Variants in TMEM63C observed in about 807,000 individuals in gnomAD.
TMEM63C encodes the protein osmosensitive cation channel TMEM63C.
In TMEM63C, 32 loss-of-function variants were observed where a neutral mutation model predicts 99.2. That is an observed-to-expected ratio of 0.32 (90% CI 0.24 to 0.43). The LOEUF is 0.43. Among genes scored for constraint, TMEM63C ranks in the 20% least tolerant of loss-of-function variants. TMEM63C has a pLI of 1.00. For synonymous variants in TMEM63C, 376 were observed against 397.9 expected (o/e 0.94, Z 0.66); for missense variants, 826 against 1,053.0 (o/e 0.78, Z 2.98).
intron 2 of TMEM63C, among the ~76,000 whole-genome samples, chr14:77,216,280 C>T (rs1594856344): frequency 1.3e-5 from 2 of 152,220 alleles, no homozygotes. Flanking sequence ...TCACTGGCTG[C>T]TACTTCTCAG....
Position 77,231,696 on chromosome 14 carries a change from C to A in TMEM63C, c.459C>A (p.Ile153=). 1.9e-6 allele frequency: 3 copies of A among 1,551,716 alleles called. No homozygotes were observed. Among genetic ancestry groups the A allele is most frequent in the Non-Finnish European group, 2.6e-6 (3 of 1,147,008 alleles). The change falls in exon 7 of 24, where the codon ATC becomes ATA. Residue 153 remains isoleucine (I), a synonymous_variant. Transcript: ENST00000298351. ...TCATCTGTATCCCCTCCCTGGGCATCATTTTGCCCATCAACTATACTGGAT... is the reference window on the plus strand; with the variant it reads ...TCATCTGTATCCCCTCCCTGGGCATAATTTTGCCCATCAACTATACTGGAT... ...VLIICIPSLG[I]ILPINYTGSV...
At chr14:77,226,825 T>A (rs1888837423) in intron 6 of TMEM63C, among the ~76,000 whole-genome samples, 1 of 150,118 alleles carries the variant, frequency 6.7e-6, no homozygotes, top group Admixed American at 6.7e-5. Context: ...TGATGTGCAG[T>A]GGCACAATCT....
chr14:77,217,921 G>C (rs972515725), intron 2 of TMEM63C, among the ~76,000 whole-genome samples: 4 of 152,190 alleles, frequency 2.6e-5, no homozygotes, highest in Non-Finnish European at 5.9e-5. Flanking sequence ...AGAGTAGAAG[G>C]ATGGTTACCA....
chr14:77,232,578 G>A (rs998210866), intron 7 of TMEM63C, among the ~76,000 whole-genome samples: 2 of 152,140 alleles, frequency 1.3e-5, no homozygotes, highest in Admixed American at 6.5e-5. Flanking sequence ...ATGAGCCACC[G>A]CACCTGGCCA....
intron 8 of TMEM63C, among the ~76,000 whole-genome samples, chr14:77,235,035 T>A (rs1025983587): frequency 1.3e-5 from 2 of 152,168 alleles, no homozygotes; most frequent in Non-Finnish European, 2.9e-5. Context: ...CTCCTTTCCC[T>A]ATGAGTGAAG....
At chr14:77,214,105 CT>C (rs1241940534) in intron 2 of TMEM63C, among the ~76,000 whole-genome samples, 1 of 152,150 alleles carries the variant, frequency 6.6e-6, no homozygotes, top group Non-Finnish European at 1.5e-5. Flanking sequence ...CCCTCCCCAA[CT>C]CCTGAAACCT....
At chr14:77,234,330 C>T (rs1042184026) in intron 8 of TMEM63C, among the ~76,000 whole-genome samples, 4 of 151,930 alleles carry the variant, frequency 2.6e-5, no homozygotes, top group Non-Finnish European at 5.9e-5. Flanking sequence ...CTGAAATGAG[C>T]GGAAAGGGGC....
chr14:77,239,420 A>G lies in TMEM63C; in HGVS notation c.734A>G (p.Tyr245Cys). ...ELIIKHFHEA[Y>C]PGSVVTRVHF... ...CATGTTTGTGGCTGCAGCGAGGCCT[A>G]TCCAGGCAGTGTCGTGACAAGAGTC... is the stretch of plus-strand genomic sequence containing the variant. Residue 245 changes from tyrosine to cysteine, a missense_variant, in exon 11 of 24, where the codon TAT becomes TGT. By Grantham distance (194) the Tyr-to-Cys change is radical. Transcript: ENST00000298351. The G allele has an allele frequency of 6.2e-7, 1 of 1,613,616 alleles. No homozygotes were observed. Among genetic ancestry groups the G allele is most frequent in the Non-Finnish European group, 8.5e-7 (1 of 1,179,860 alleles).
intron 23 of TMEM63C, among the ~76,000 whole-genome samples, chr14:77,253,668 C>T (rs958529775): frequency 3.3e-5 from 5 of 152,222 alleles, no homozygotes; most frequent in South Asian, 2.1e-4. Flanking sequence ...ACAGCGACCT[C>T]GGTCATGTAG....
intron 1 of TMEM63C, among the ~76,000 whole-genome samples, chr14:77,188,598 G>C (rs926359231): frequency 4.6e-5 from 7 of 152,198 alleles, no homozygotes; most frequent in Non-Finnish European, 7.3e-5. Context: ...GCTGGACTCT[G>C]TGGCTCACGC....
intron 1 of TMEM63C, among the ~76,000 whole-genome samples, chr14:77,183,164 A>C (rs1022988940): frequency 1.3e-5 from 2 of 152,108 alleles, no homozygotes; most frequent in Non-Finnish European, 2.9e-5. Flanking sequence ...GAGCCAGATG[A>C]GGAAACTGAG....
intron 1 of TMEM63C, among the ~76,000 whole-genome samples, chr14:77,210,338 T>C (rs1262726745): frequency 1.3e-5 from 2 of 152,116 alleles, no homozygotes; most frequent in African/African-American, 4.8e-5. Flanking sequence ...CTATCCCCAA[T>C]CCACCACTTT....
At chr14:77,256,277 A>G (rs536282832) in intron 23 of TMEM63C, among the ~76,000 whole-genome samples, 2 of 152,348 alleles carry the variant, frequency 1.3e-5, no homozygotes, top group African/African-American at 4.8e-5. Flanking sequence ...CATGTTCTAA[A>G]GGAGCAGTGG....
At position 77,231,582 on chromosome 14, in the gene TMEM63C, T is replaced by C. The variant is rs749796630; in HGVS notation, c.351-6T>C. On this transcript the variant is annotated splice_polypyrimidine_tract_variant and splice_region_variant and intron_variant, in intron 6 of 23. Transcript: ENST00000298351. ...AGGCACGTCCTTGTCTGTGTGTCTC[T>C]TCCAGGGACGAGGATCTGATTAACA... is the stretch of plus-strand genomic sequence containing the variant. 4 of 1,551,650 alleles carry C rather than the reference T, an allele frequency of 2.6e-6. No individual in the cohort carries two copies. The highest frequency in any genetic ancestry group is 1.7e-6 in the Non-Finnish European group (2 of 1,146,990).
Position 77,219,489 on chromosome 14 carries a change from G to T in TMEM63C, c.151-9G>T. 6.2e-7 allele frequency: 1 copy of T among 1,613,846 alleles called. No individual in the cohort carries two copies. The highest frequency in any genetic ancestry group is 2.2e-5 in the East Asian group (1 of 44,882). ...TCTCCCACCCCACATTGCTTTTCCTGGCCTGTAGCTCGTCCTTGTGGTTTA... is the reference window on the plus strand; with the variant it reads ...TCTCCCACCCCACATTGCTTTTCCTTGCCTGTAGCTCGTCCTTGTGGTTTA... On this transcript the variant is annotated splice_polypyrimidine_tract_variant and intron_variant, in intron 3 of 23. Transcript: ENST00000298351.
chr14:77,248,406 T>C lies in TMEM63C; in HGVS notation c.1661T>C (p.Leu554Ser). The change falls in exon 19 of 24, where the codon TTA (leucine) becomes TCA (serine). Residue 554 changes from leucine (L) to serine (S), a missense_variant. Physicochemically the swap from Leu to Ser is moderately radical, Grantham distance 145. Transcript: ENST00000298351. ...GTCAACTACGTGATCACGGCAGCTT[T>C]ACTTGGCACAGGCATGGAGCTGCTG... ...FFVNYVITAA[L>S]LGTGMELLRL... 1 of 1,606,082 alleles carries C rather than the reference T, an allele frequency of 6.2e-7. No homozygotes were observed. The highest frequency in any genetic ancestry group is 8.5e-7 in the Non-Finnish European group (1 of 1,176,262).
At chr14:77,244,040 G>T (rs1433040286) in intron 15 of TMEM63C, among the ~76,000 whole-genome samples, 1 of 151,612 alleles carries the variant, frequency 6.6e-6, no homozygotes, top group Non-Finnish European at 1.5e-5. Flanking sequence ...CCGCTCACAT[G>T]TCATCACAGC....
chr14:77,246,749 C>T (rs1269794032), intron 18 of TMEM63C, 75 bp downstream of exon 18: 16 of 1,251,862 alleles, frequency 1.3e-5, no homozygotes, highest in Middle Eastern at 2.2e-4. Context: ...TTCCCTGAGT[C>T]CAGCACCTGA....
At chr14:77,251,754 G>C in intron 21 of TMEM63C, 35 bp from the exon 22 acceptor site, 1 of 1,577,532 alleles carries the variant, frequency 6.3e-7, no homozygotes, top group South Asian at 1.1e-5. Flanking sequence ...TCGGCTGGCA[G>C]ACTCCTGCCC....
Sources: allele counts gnomAD v4.1 joint callset (sites outside exome capture counted in the v4.1 genomes callset), GRCh38; gene constraint gnomAD v4.1.1; transcripts MANE v1.5; gene names NCBI Gene and HGNC (gene_info 2026-07-23, HGNC 2026-07-21).